Variants in MED13 observed in about 807,000 individuals in gnomAD.
MED13 encodes the protein mediator complex subunit 13, also known as mediator of RNA polymerase II transcription subunit 13.
A neutral mutation model predicts 225.2 loss-of-function variants in MED13; 23 were observed. The observed-to-expected ratio is 0.10, with a 90% CI of 0.07 to 0.14. The LOEUF (loss-of-function observed/expected upper bound fraction) is 0.14, where lower values mean the gene tolerates loss of function less well. MED13 is among the 10% of genes least tolerant of loss of function. The pLI, the probability that MED13 is intolerant of heterozygous loss-of-function variation, is 1.00. For missense variants in MED13, 2,197 were observed against 2,594.5 expected, an observed-to-expected ratio of 0.85 and a Z score of 3.33; for synonymous variants, 942 against 889.2, an observed-to-expected ratio of 1.06 and a Z score of -1.06.
chr17:62,004,818 G>C, intron 9 of MED13: 1 of 152,160 alleles, frequency 6.6e-6, no homozygotes, highest in Non-Finnish European at 1.5e-5. Context: ...GCCAAGAGCT[G>C]AGGCTGGCTT....
chr17:61,996,893 T>A (rs914971448), intron 9 of MED13, among the ~76,000 whole-genome samples: 1 of 152,218 alleles, frequency 6.6e-6, no homozygotes, highest in Non-Finnish European at 1.5e-5. Context: ...ACCTGGTACA[T>A]AATAGGTGTC....
At chr17:61,979,999 G>A (rs1006288409) in intron 16 of MED13, among the ~76,000 whole-genome samples, 2 of 152,110 alleles carry the variant, frequency 1.3e-5, no homozygotes, top group Non-Finnish European at 2.9e-5. Context: ...GACCAGCCTG[G>A]GCAACACAGT....
chr17:61,966,679 T>A, intron 18 of MED13, 28 bp from the exon 19 acceptor site: 1 of 1,449,208 alleles, frequency 6.9e-7, no homozygotes, highest in Non-Finnish European at 9.3e-7. Context: ...GAAAGCAGAA[T>A]TAGTAAATTT....
intron 8 of MED13, among the ~76,000 whole-genome samples, chr17:62,027,867 A>T (rs181539887): frequency 4.1e-4 from 63 of 152,326 alleles, no homozygotes; most frequent in Admixed American, 1.6e-3. Context: ...ATAATGAGAT[A>T]ACATCTCACA....
At chr17:62,006,294 G>A (rs2080447551) in intron 9 of MED13, 1 of 97,080 alleles carries the variant, frequency 1.0e-5, no homozygotes, top group African/African-American at 3.6e-5. Flanking sequence ...AGGGGGGGGG[G>A]AGGGAAAAAG....
Position 61,972,774 on chromosome 17 carries a change from G to A in MED13, c.3920C>T (p.Pro1307Leu). ...TTTATGAAATTGTTGCCAAGTGAGA[G>A]GACCCTGAACACCCCAAGGTCTTAC... Reference protein sequence around the residue: ...RTVRPWGVQGPLTWQQFHKMA... With the variant: ...RTVRPWGVQGLLTWQQFHKMA... Residue 1307 changes from proline (P) to leucine (L), a missense_variant, in exon 17 of 30, where the codon CCT becomes CTT. Physicochemically the swap from Pro to Leu is moderately conservative, Grantham distance 98. Transcript: ENST00000397786. 6.2e-7 allele frequency: 1 copy of A among 1,613,024 alleles called. No individual in the cohort carries two copies. Among genetic ancestry groups the A allele is most frequent in the Non-Finnish European group, 8.5e-7 (1 of 1,179,684 alleles).
At chr17:61,975,649 T>C (rs1335981342) in intron 16 of MED13, among the ~76,000 whole-genome samples, 1 of 150,446 alleles carries the variant, frequency 6.6e-6, no homozygotes, top group African/African-American at 2.5e-5. Flanking sequence ...AACCTGGGAG[T>C]TGGTGGTTGC....
intron 8 of MED13, among the ~76,000 whole-genome samples, chr17:62,015,736 T>C (rs1288912208): frequency 7.3e-6 from 1 of 136,748 alleles, no homozygotes; most frequent in African/African-American, 2.7e-5. Flanking sequence ...ACCACATCAG[T>C]CTAATTTTAT....
chr17:62,047,337 C>T (rs964956280), intron 3 of MED13, among the ~76,000 whole-genome samples: 2 of 152,146 alleles, frequency 1.3e-5, no homozygotes, highest in Non-Finnish European at 2.9e-5. Context: ...TGCCACTGTA[C>T]TCCACCCTGG....
At chr17:61,964,555 A>T (rs542479831) in intron 20 of MED13, among the ~76,000 whole-genome samples, 96 of 152,270 alleles carry the variant, frequency 6.3e-4, no homozygotes, top group African/African-American at 2.3e-3. Flanking sequence ...ACAGAGTGAG[A>T]CCTTGTCTTA....
chr17:62,020,897 A>G (rs2080636614), intron 8 of MED13, among the ~76,000 whole-genome samples: 5 of 151,290 alleles, frequency 3.3e-5, no homozygotes, highest in African/African-American at 9.8e-5. Flanking sequence ...ACTCTTAATG[A>G]GCATGCTGCC....
chr17:61,953,547 G>A (rs888821237), intron 26 of MED13, among the ~76,000 whole-genome samples: 2 of 152,178 alleles, frequency 1.3e-5, no homozygotes, highest in African/African-American at 2.4e-5. Flanking sequence ...TAGAGGAAGG[G>A]ACCATGAGCC....
intron 11 of MED13, among the ~76,000 whole-genome samples, chr17:61,988,180 T>C (rs904409138): frequency 2.0e-5 from 3 of 152,214 alleles, no homozygotes; most frequent in Non-Finnish European, 4.4e-5. Context: ...TTAATGTCTC[T>C]GTGCCTCAAT....
intron 26 of MED13, among the ~76,000 whole-genome samples, chr17:61,954,125 T>G (rs1266560681): frequency 6.6e-6 from 1 of 152,206 alleles, no homozygotes; most frequent in Non-Finnish European, 1.5e-5. Flanking sequence ...AAACCAAAGA[T>G]AAGGAGGATT....
intron 9 of MED13, among the ~76,000 whole-genome samples, chr17:62,008,036 A>G (rs969508232): frequency 9.1e-5 from 13 of 142,328 alleles, no homozygotes; most frequent in Admixed American, 7.6e-4. Context: ...AAAAAAAAAA[A>G]GCTGTGCGCA....
chr17:61,955,642 T>C, intron 25 of MED13, 38 bp downstream of exon 25: 1 of 1,568,346 alleles, frequency 6.4e-7, no homozygotes, highest in South Asian at 1.2e-5. Flanking sequence ...CTTAACTGCA[T>C]AAAGAATTAA....
At position 62,052,582 on chromosome 17, in the gene MED13, C is replaced by A; in HGVS notation, c.425G>T (p.Trp142Leu). 1 of 1,595,106 alleles carries A rather than the reference C, an allele frequency of 6.3e-7. No homozygotes were observed. The highest frequency in any genetic ancestry group is 8.5e-7 in the Non-Finnish European group (1 of 1,169,886). The change falls in exon 3 of 30, where the codon TGG becomes TTG. Residue 142 changes from tryptophan (W) to leucine (L), a missense_variant. By Grantham distance (61) the Trp-to-Leu change is moderately conservative. Coordinates refer to ENST00000397786, the MANE Select transcript of MED13 (RefSeq NM_005121.3). Reference sequence around the variant, plus strand: ...ATCTTTTTCATAAGGCTTTACAAACCACTTGCCAATACGTACAAAATTCCT... The same window carrying A: ...ATCTTTTTCATAAGGCTTTACAAACAACTTGCCAATACGTACAAAATTCCT... ...MNRNFVRIGK[W>L]FVKPYEKDEK...
chr17:62,029,330 G>T, intron 8 of MED13: 1 of 539,870 alleles, frequency 1.9e-6, no homozygotes. Flanking sequence ...TTCAGAGTCT[G>T]CCTCTGGTAA....
intron 15 of MED13, 35 bp downstream of exon 15, chr17:61,984,136 G>A (rs753551083): frequency 1.5e-6 from 2 of 1,347,054 alleles, no homozygotes; most frequent in East Asian, 5.4e-5. Context: ...AGCTGTATAA[G>A]CAGTCACATA....
Sources: allele counts gnomAD v4.1 joint callset (sites outside exome capture counted in the v4.1 genomes callset), GRCh38; gene constraint gnomAD v4.1.1; transcripts MANE v1.5; gene names NCBI Gene and HGNC (gene_info 2026-07-23, HGNC 2026-07-21).